DOK5: variants seen among roughly 807,000 people sequenced by gnomAD.
DOK5 encodes downstream of tyrosine kinase 5.
A neutral mutation model predicts 43.3 loss-of-function variants in DOK5; 27 were observed. That is an observed-to-expected ratio of 0.62 (90% CI 0.46 to 0.86). The LOEUF is 0.86. Among genes scored for constraint, DOK5 ranks in the 40% least tolerant of loss-of-function variants. The probability of loss-of-function intolerance (pLI) is 0.00; values close to 1 mark genes in which losing one functional copy is unlikely to be tolerated. For synonymous variants in DOK5, 146 were observed against 140.1 expected (o/e 1.04, Z -0.30); for missense variants, 373 against 392.9 (o/e 0.95, Z 0.43).
chr20:54,485,244 G>A (rs1981883209), intron 1 of DOK5, among the ~76,000 whole-genome samples: 1 of 151,132 alleles, frequency 6.6e-6, no homozygotes, highest in Non-Finnish European at 1.5e-5. Context: ...GAACCCGGAT[G>A]GCGGAGGTTG....
chr20:54,487,619 G>A (rs2146664135), intron 1 of DOK5, among the ~76,000 whole-genome samples: 1 of 152,100 alleles, frequency 6.6e-6, no homozygotes. Flanking sequence ...TTTTAAAATA[G>A]GTTTTCTAAA....
intron 1 of DOK5, among the ~76,000 whole-genome samples, chr20:54,538,967 G>A (rs1005837270): frequency 3.3e-5 from 5 of 152,042 alleles, no homozygotes; most frequent in African/African-American, 7.2e-5. Flanking sequence ...ATATAACATC[G>A]TTGAAATGCC....
At chr20:54,616,142 C>T (rs977097399) in intron 6 of DOK5, among the ~76,000 whole-genome samples, 2 of 152,156 alleles carry the variant, frequency 1.3e-5, no homozygotes, top group African/African-American at 4.8e-5. Context: ...CTGTAACAGA[C>T]AATGTGTTAA....
chr20:54,491,743 G>A (rs1361550600), intron 1 of DOK5, among the ~76,000 whole-genome samples: 1 of 152,148 alleles, frequency 6.6e-6, no homozygotes, highest in African/African-American at 2.4e-5. Flanking sequence ...GTGGGTCTCC[G>A]CAGCATCCCA....
intron 5 of DOK5, among the ~76,000 whole-genome samples, chr20:54,600,496 T>C (rs1203605731): frequency 6.6e-6 from 1 of 152,008 alleles, no homozygotes; most frequent in African/African-American, 2.4e-5. Flanking sequence ...GGCATATAGA[T>C]TGAAATCAAG....
At chr20:54,521,557 G>A (rs1983397343) in intron 1 of DOK5, among the ~76,000 whole-genome samples, 1 of 152,186 alleles carries the variant, frequency 6.6e-6, no homozygotes, top group Non-Finnish European at 1.5e-5. Flanking sequence ...TATGGGGTGT[G>A]ATGTGAGGAG....
chr20:54,550,816 G>A (rs1207928751), intron 1 of DOK5, among the ~76,000 whole-genome samples: 2 of 152,102 alleles, frequency 1.3e-5, no homozygotes, highest in African/African-American at 4.8e-5. Context: ...TCCACATTAT[G>A]AGGCTTCCAG....
chr20:54,627,712 A>T (rs1218245739), intron 6 of DOK5, among the ~76,000 whole-genome samples: 2 of 152,228 alleles, frequency 1.3e-5, no homozygotes, highest in East Asian at 3.9e-4. Flanking sequence ...AAGCTTGTAA[A>T]GCCACAGATT....
intron 1 of DOK5, among the ~76,000 whole-genome samples, chr20:54,504,596 C>T (rs1163826645): frequency 1.3e-5 from 2 of 152,166 alleles, no homozygotes; most frequent in African/African-American, 4.8e-5. Flanking sequence ...TCTTCTCTCT[C>T]AGTTGAAGGA....
intron 1 of DOK5, among the ~76,000 whole-genome samples, chr20:54,478,853 G>A (rs1981547010): frequency 6.6e-6 from 1 of 152,150 alleles, no homozygotes; most frequent in African/African-American, 2.4e-5. Context: ...TCAAAGATGA[G>A]TTAGGATTGG....
intron 1 of DOK5, among the ~76,000 whole-genome samples, chr20:54,538,303 C>T (rs1166092870): frequency 1.3e-5 from 2 of 151,340 alleles, no homozygotes; most frequent in Non-Finnish European, 1.5e-5. Context: ...AAAGATTTGG[C>T]AGAAGGAAGT....
chr20:54,625,996 T>C (rs1225862181), intron 6 of DOK5, among the ~76,000 whole-genome samples: 2 of 152,234 alleles, frequency 1.3e-5, no homozygotes, highest in African/African-American at 4.8e-5. Flanking sequence ...GCGAGGAGGG[T>C]CTTCTCTCCT....
At chr20:54,637,903 A>G (rs1031079544) in intron 6 of DOK5, among the ~76,000 whole-genome samples, 1 of 152,220 alleles carries the variant, frequency 6.6e-6, no homozygotes, top group Admixed American at 6.5e-5. Flanking sequence ...CGGGCAGATC[A>G]CAAGGTCAGG....
intron 7 of DOK5, among the ~76,000 whole-genome samples, chr20:54,646,080 T>C (rs937447742): frequency 2.0e-5 from 3 of 152,006 alleles, no homozygotes; most frequent in Non-Finnish European, 4.4e-5. Context: ...ATGCCACTGA[T>C]TCTCACTTAA....
chr20:54,633,966 G>A (rs1978691574), intron 6 of DOK5, among the ~76,000 whole-genome samples: 1 of 152,184 alleles, frequency 6.6e-6, no homozygotes, highest in Non-Finnish European at 1.5e-5. Context: ...TTCCAGAGAA[G>A]GACAATATGG....
chr20:54,635,130 C>T (rs2146821212), intron 6 of DOK5, among the ~76,000 whole-genome samples: 1 of 152,256 alleles, frequency 6.6e-6, no homozygotes, highest in African/African-American at 2.4e-5. Context: ...CCAGCATTAA[C>T]ATTAAAACAG....
At chr20:54,608,230 A>G (rs771763351) in intron 5 of DOK5, among the ~76,000 whole-genome samples, 183 of 152,282 alleles carry the variant, frequency 1.2e-3, no homozygotes, top group Non-Finnish European at 2.2e-3. Context: ...TACCTTCATT[A>G]CTTCTGGAAC....
chr20:54,500,408 T>C (rs6098025), intron 1 of DOK5, among the ~76,000 whole-genome samples: 2,905 of 152,244 alleles, frequency 0.019, 88 homozygotes, highest in African/African-American at 0.066. Context: ...CTGAATTTTA[T>C]AATATTTTCC....
At chr20:54,565,135 A>G (rs1156445473) in intron 2 of DOK5, among the ~76,000 whole-genome samples, 2 of 152,178 alleles carry the variant, frequency 1.3e-5, no homozygotes, top group East Asian at 3.9e-4. Flanking sequence ...TGTGGGGGAT[A>G]CATTCCAAGA....
Sources: gnomAD v4.1 joint callset for allele counts (sites outside exome capture counted in the v4.1 genomes callset) on GRCh38, gnomAD v4.1.1 for gene constraint, MANE v1.5 for transcripts, NCBI Gene and HGNC (gene_info 2026-07-23, HGNC 2026-07-21) for gene names.